The following USP6NL variants were observed in gnomAD, a reference collection of about 807,000 sequenced individuals.
USP6NL encodes the protein USP6 N-terminal-like protein.
In USP6NL, 26 loss-of-function variants were observed where a neutral mutation model predicts 61.9. That is an observed-to-expected ratio of 0.42 (90% CI 0.31 to 0.58). USP6NL has a LOEUF of 0.58. Among genes scored for constraint, USP6NL ranks in the 20% least tolerant of loss-of-function variants. The pLI is 0.16. For missense variants in USP6NL, 1,114 were observed against 1,034.3 expected (o/e 1.08, Z -1.06); for synonymous variants, 432 against 390.1 (o/e 1.11, Z -1.27).
intron 14 of USP6NL, among the ~76,000 whole-genome samples, chr10:11,466,720 A>T (rs1395937404): frequency 6.6e-6 from 1 of 152,224 alleles, no homozygotes; most frequent in Admixed American, 6.5e-5. Flanking sequence ...GAGTGCACTA[A>T]TACAAACCTA....
Position 11,476,124 on chromosome 10 carries a change from C to T in USP6NL, c.1078+5646G>A, listed in dbSNP as rs1832959519. 6.6e-6 allele frequency among the ~76,000 whole-genome samples: 1 copy of T among 152,150 alleles called. No homozygotes were observed. ...ACTGCTCCCTGTCAAGCGACTTAAG[C>T]CCATAACAAATACAAAATGTAGCCC... is the stretch of plus-strand genomic sequence containing the variant. On this transcript the variant is annotated intron_variant, in intron 14 of 14. Transcript: ENST00000609104. The surrounding 1 kb of genome is among the most constrained non-coding windows in gnomAD (Gnocchi z 4.3).
Position 11,490,798 on chromosome 10 carries a change from C to T in USP6NL, c.543+34G>A. 1.3e-6 allele frequency: 2 copies of T among 1,546,700 alleles called. No individual in the cohort carries two copies. The highest frequency in any genetic ancestry group is 1.7e-6 in the Non-Finnish European group (2 of 1,145,592). ...AAGTAGGGAGTACCTCAGAATACAA[C>T]TCAAAGACCTTGGGCAGGCAGGCCC... On this transcript the variant is annotated intron_variant, in intron 9 of 14. Transcript: ENST00000609104. The surrounding 1 kb of genome is among the most constrained non-coding windows in gnomAD (Gnocchi z 4.5).
intron 4 of USP6NL, among the ~76,000 whole-genome samples, chr10:11,523,880 T>G (rs1001588749): frequency 6.6e-6 from 1 of 152,182 alleles, no homozygotes; most frequent in Admixed American, 6.5e-5. Context: ...AATCAAAATC[T>G]AGGAAAGACA....
rs1833190657 is a variant in USP6NL, at chr10:11,481,340, C to CT, written c.1078+429dup. On this transcript the variant is annotated intron_variant, in intron 14 of 14. Coordinates refer to ENST00000609104, the MANE Select transcript of USP6NL (RefSeq NM_014688.5). This position sits in a 1 kb window ranked among gnomAD's most constrained non-coding sequence, Gnocchi z 4.4. ...GTTCTGTGGCTTCATATTTAAGCCA[C>CT]TTAGGCACTAAAGTATCAATTTCCT... 6.6e-6 allele frequency among the ~76,000 whole-genome samples: 1 copy of CT among 152,180 alleles called. No individual in the cohort carries two copies. The highest frequency in any genetic ancestry group is 6.5e-5 in the Admixed American group (1 of 15,274).
chr10:11,542,332 T>G lies in USP6NL; in HGVS notation c.5-14765A>C, dbSNP rs554880496. Among the ~76,000 whole-genome samples the G allele has an allele frequency of 2.2e-4, 34 of 152,316 alleles. No homozygotes were observed. The South Asian group carries it at 6.6e-3, about 30-fold the overall frequency. ...AATGTGAAAAATGCTCTTTAATAGA[T>G]GTTTTTTAAATGCTACAAAAAAGCT... On this transcript the variant is annotated intron_variant, in intron 2 of 14. Coordinates refer to ENST00000609104, the MANE Select transcript of USP6NL (RefSeq NM_014688.5).
rs1591813763 is a variant in USP6NL, at chr10:11,468,168, C to T, written c.1079-4319G>A. On this transcript the variant is annotated intron_variant, in intron 14 of 14. Transcript: ENST00000609104. The surrounding 1 kb of genome is among the most constrained non-coding windows in gnomAD (Gnocchi z 4.5). ...TCCATTTATTGATTCTTGCCTCAGA[C>T]AGGCATCATGTTTACTTGTCTGTGA... Among the ~76,000 whole-genome samples, 1 of 152,166 alleles carries T rather than the reference C, an allele frequency of 6.6e-6. No homozygotes were observed. Among genetic ancestry groups the T allele is most frequent in the Admixed American group, 6.5e-5 (1 of 15,272 alleles).
Position 11,518,530 on chromosome 10 carries a change from C to G in USP6NL, c.195+5G>C. 1 of 1,612,610 alleles carries G rather than the reference C, an allele frequency of 6.2e-7. No individual in the cohort carries two copies. The highest frequency in any genetic ancestry group is 2.2e-5 in the East Asian group (1 of 44,880). ...AACTGTAAATACATCAAGAGCAGGA[C>G]TTACCCGTTCCACAGCCACATTATG... On this transcript the variant is annotated splice_donor_5th_base_variant and intron_variant, in intron 5 of 14. Coordinates refer to ENST00000609104, the MANE Select transcript of USP6NL (RefSeq NM_014688.5). This position sits in a 1 kb window ranked among gnomAD's most constrained non-coding sequence, Gnocchi z 5.3.
Position 11,485,174 on chromosome 10 carries a change from C to T in USP6NL, c.820G>A (p.Asp274Asn), listed in dbSNP as rs768454923. ...TMKWFFQCFL[D>N]RTPFTLNLRI... Reference sequence around the variant, plus strand: ...TTTTGTAAATAAATACTTACACGATCAAGGAAACACTGAAAAAACCATTTC... The same window carrying T: ...TTTTGTAAATAAATACTTACACGATTAAGGAAACACTGAAAAAACCATTTC... Residue 274 changes from aspartate to asparagine, a missense_variant, in exon 12 of 15, where the codon GAT becomes AAT. By Grantham distance (23) the Asp-to-Asn change is conservative. Coordinates refer to ENST00000609104, the MANE Select transcript of USP6NL (RefSeq NM_014688.5). The surrounding 1 kb of genome is among the most constrained non-coding windows in gnomAD (Gnocchi z 4.8). The T allele has an allele frequency of 4.9e-5, 75 of 1,538,378 alleles. No homozygotes were observed. The highest frequency in any genetic ancestry group is 6.4e-5 in the Non-Finnish European group (73 of 1,144,224).
intron 2 of USP6NL, among the ~76,000 whole-genome samples, chr10:11,534,247 T>C (rs1835755744): frequency 6.6e-6 from 1 of 152,250 alleles, no homozygotes; most frequent in Non-Finnish European, 1.5e-5. Context: ...CCAGTTGTCC[T>C]TGCTGCGTGC....
Position 11,478,239 on chromosome 10 carries a change from G to A in USP6NL, c.1078+3531C>T, listed in dbSNP as rs754501653. ...GCAGAGCCCCTGCTTAGGCTCCAACGCCAGTGGCAGCAGCGACGTCCACAC... is the reference window on the plus strand; with the variant it reads ...GCAGAGCCCCTGCTTAGGCTCCAACACCAGTGGCAGCAGCGACGTCCACAC... On this transcript the variant is annotated intron_variant, in intron 14 of 14. Transcript: ENST00000609104. This position sits in a 1 kb window ranked among gnomAD's most constrained non-coding sequence, Gnocchi z 6.8. Among the ~76,000 whole-genome samples, 3 of 152,202 alleles carry A rather than the reference G, an allele frequency of 2.0e-5. No homozygotes were observed. Among genetic ancestry groups the A allele is most frequent in the Non-Finnish European group, 4.4e-5 (3 of 68,036 alleles).
rs1308768224 is a variant in USP6NL, at chr10:11,595,903, TA to T, written c.4+1727del. Among the ~76,000 whole-genome samples, 1 of 152,194 alleles carries T rather than the reference TA, an allele frequency of 6.6e-6. No individual in the cohort carries two copies. Among genetic ancestry groups the T allele is most frequent in the Admixed American group, 6.5e-5 (1 of 15,282 alleles). On this transcript the variant is annotated intron_variant, in intron 2 of 14. Coordinates refer to ENST00000609104, the MANE Select transcript of USP6NL (RefSeq NM_014688.5). This position sits in a 1 kb window ranked among gnomAD's most constrained non-coding sequence, Gnocchi z 5.3. Reference sequence around the variant, plus strand: ...GGATTAGTGGATATAAAGAACCAGTTAAAAATCTTGCAAATGAAATATAAAT... The same window carrying T: ...GGATTAGTGGATATAAAGAACCAGTTAAAATCTTGCAAATGAAATATAAAT...
intron 2 of USP6NL, among the ~76,000 whole-genome samples, chr10:11,571,740 G>C (rs1837370401): frequency 6.7e-6 from 1 of 149,660 alleles, no homozygotes; most frequent in East Asian, 1.9e-4. Context: ...TGAAAAATTG[G>C]TAAGATGTAA....
intron 4 of USP6NL, among the ~76,000 whole-genome samples, chr10:11,524,242 A>T (rs1272528224): frequency 1.3e-5 from 2 of 152,224 alleles, no homozygotes; most frequent in East Asian, 3.8e-4. Flanking sequence ...TCTTCTGATT[A>T]TAACTACTCA....
At chr10:11,533,147 C>G (rs1835720667) in intron 2 of USP6NL, among the ~76,000 whole-genome samples, 1 of 152,114 alleles carries the variant, frequency 6.6e-6, no homozygotes, top group Non-Finnish European at 1.5e-5. Context: ...AGCAAAAGAT[C>G]TCAGAAGTTG....
chr10:11,527,601 C>T (rs2133404312), intron 2 of USP6NL, 34 bp from the exon 3 acceptor site: 2 of 1,565,156 alleles, frequency 1.3e-6, no homozygotes, highest in Non-Finnish European at 1.7e-6. Flanking sequence ...GATGAATTGT[C>T]ATTGAAAGAA....
chr10:11,505,266 A>G lies in USP6NL; in HGVS notation c.277-4058T>C, dbSNP rs538283997. On this transcript the variant is annotated intron_variant, in intron 6 of 14. Coordinates refer to ENST00000609104, the MANE Select transcript of USP6NL (RefSeq NM_014688.5). ...GGATAATGATGAGTCCAACAGTAAT[A>G]ATGACAATTGTTAAAGAACACTTTC... 3.3e-5 allele frequency among the ~76,000 whole-genome samples: 5 copies of G among 152,334 alleles called. No homozygotes were observed. In the East Asian group the frequency reaches 7.7e-4, roughly 23 times the overall value.
At position 11,562,460 on chromosome 10, in the gene USP6NL, T is replaced by A; in HGVS notation, c.5-34893A>T. 5.1e-6 allele frequency: 5 copies of A among 985,288 alleles called. No homozygotes were observed. The highest frequency in any genetic ancestry group is 4.8e-6 in the Non-Finnish European group (4 of 829,904). The allele number at this position is 985,288 out of a possible 1,614,324, so 61.0% of individuals were successfully genotyped here. On this transcript the variant is annotated intron_variant, in intron 2 of 14. Coordinates refer to ENST00000609104, the MANE Select transcript of USP6NL (RefSeq NM_014688.5). The surrounding 1 kb of genome is among the most constrained non-coding windows in gnomAD (Gnocchi z 4.8). ...ATGAAGACGCAGCAGTCATCACGTA[T>A]CTCTGAGGACAAGGATTAAGTGTGG... is the stretch of plus-strand genomic sequence containing the variant.
At chr10:11,554,865 T>G (rs1308399098) in intron 2 of USP6NL, among the ~76,000 whole-genome samples, 1 of 148,840 alleles carries the variant, frequency 6.7e-6, no homozygotes, top group Non-Finnish European at 1.5e-5. Context: ...AGTGGTGCGA[T>G]CTCCACTCAC....
intron 14 of USP6NL, among the ~76,000 whole-genome samples, chr10:11,472,376 G>T (rs565390816): frequency 5.6e-4 from 85 of 152,262 alleles, no homozygotes; most frequent in African/African-American, 2.0e-3. Context: ...GCCCATCAAC[G>T]GCCTCTGAGG....
Sources: allele counts gnomAD v4.1 joint callset (sites outside exome capture counted in the v4.1 genomes callset), GRCh38; gene constraint gnomAD v4.1.1; non-coding constraint Gnocchi (gnomAD v3.1); transcripts MANE v1.5; gene names NCBI Gene and HGNC (gene_info 2026-07-23, HGNC 2026-07-21).